The following KCTD5 variants were observed in gnomAD, a reference collection of about 807,000 sequenced individuals.
KCTD5 encodes the protein BTB/POZ domain-containing protein KCTD5.
In KCTD5, 12 loss-of-function variants were observed where a neutral mutation model predicts 27.9. That is an observed-to-expected ratio of 0.43 (90% CI 0.28 to 0.70). The LOEUF is 0.70. KCTD5 is among the 30% of genes least tolerant of loss of function. The pLI is 0.19. For missense variants in KCTD5, 226 were observed against 274.8 expected (o/e 0.82, Z 1.26); for synonymous variants, 147 against 121.4 (o/e 1.21, Z -1.39).
At chr16:2,698,601 C>A (rs149239244) in intron 3 of KCTD5, among the ~76,000 whole-genome samples, 133 of 152,216 alleles carry the variant, frequency 8.7e-4, no homozygotes, top group African/African-American at 2.2e-3. Context: ...CCGCCCCCCC[C>A]ACCCAAGCTC....
chr16:2,699,895 C>T lies in KCTD5; in HGVS notation c.528C>T (p.Ser176=), dbSNP rs775534178. ...TCACGCAGATGGTGTCCACCATGTC[C>T]GACGGCTGGAAGTTCGAGCAGGTGA... The part of the protein sequence containing the change: ...EELTQMVSTM[S]DGWKFEQLVS... Residue 176 remains serine (S), a synonymous_variant, in exon 4 of 6, where the codon TCC becomes TCT. Coordinates refer to ENST00000301738, the MANE Select transcript of KCTD5 (RefSeq NM_018992.4). 18 of 1,613,736 alleles carry T rather than the reference C, an allele frequency of 1.1e-5. No homozygotes were observed. The highest frequency in any genetic ancestry group is 3.3e-5 in the Admixed American group (2 of 60,002).
chr16:2,699,973 A>C, intron 4 of KCTD5, 57 bp downstream of exon 4: 1 of 1,492,394 alleles, frequency 6.7e-7, no homozygotes. Context: ...TTGTGCTCAC[A>C]ATGGCTCAGG....
chr16:2,705,127 G>A (rs758312408), intron 5 of KCTD5, among the ~76,000 whole-genome samples: 12 of 152,198 alleles, frequency 7.9e-5, no homozygotes, highest in Non-Finnish European at 1.6e-4. Context: ...CGCGCTGCAC[G>A]CCGCCAGAGT....
rs577662256 is a variant in KCTD5, at chr16:2,688,498, T to A, written c.252+5698T>A. ...ACTCCTGACCTCAGGTCATCCGCCC[T>A]CCTTGGCCTCCCAAAGTGCTGGGAT... On this transcript the variant is annotated intron_variant, in intron 1 of 5. Transcript: ENST00000301738. Among the ~76,000 whole-genome samples, 259 of 152,054 alleles carry A rather than the reference T, an allele frequency of 1.7e-3. 1 individual carries two copies. Among genetic ancestry groups the A allele is most frequent in the Admixed American group, 2.9e-3 (45 of 15,274 alleles).
chr16:2,689,785 C>T (rs1227488488), intron 1 of KCTD5, among the ~76,000 whole-genome samples: 6 of 151,964 alleles, frequency 3.9e-5, no homozygotes, highest in Non-Finnish European at 8.8e-5. Context: ...AAGTGATTGT[C>T]CTGCCTCAGC....
chr16:2,702,964 T>A (rs1488272548), intron 5 of KCTD5, among the ~76,000 whole-genome samples: 4 of 128,808 alleles, frequency 3.1e-5, no homozygotes, highest in Non-Finnish European at 5.1e-5. Flanking sequence ...GTGGGCCTCA[T>A]CTTTGTCGAG....
chr16:2,698,397 G>A (rs2067596035), intron 3 of KCTD5, among the ~76,000 whole-genome samples: 1 of 152,344 alleles, frequency 6.6e-6, no homozygotes, highest in East Asian at 1.9e-4. Context: ...TGGGTCGTGT[G>A]GGTCTGCGCA....
chr16:2,685,011 CTG>C (rs928289054), intron 1 of KCTD5, among the ~76,000 whole-genome samples: 2 of 152,166 alleles, frequency 1.3e-5, no homozygotes, highest in African/African-American at 2.4e-5. Flanking sequence ...CTGAATATAT[CTG>C]TGTTATACTT....
intron 1 of KCTD5, among the ~76,000 whole-genome samples, chr16:2,685,426 CAAAAAAA>C (rs911890118): frequency 1.7e-4 from 24 of 143,520 alleles, no homozygotes; most frequent in African/African-American, 5.6e-4. Flanking sequence ...GACTCTGTCT[CAAAAAAA>C]AAGAAAAAAG....
intron 2 of KCTD5, 81 bp downstream of exon 2, chr16:2,696,124 C>G: frequency 2.6e-6 from 1 of 386,792 alleles, no homozygotes; most frequent in South Asian, 2.2e-5. Flanking sequence ...ACTTAAGACA[C>G]AGATGCCTGC....
At chr16:2,691,034 A>G (rs2067564341) in intron 1 of KCTD5, among the ~76,000 whole-genome samples, 1 of 152,186 alleles carries the variant, frequency 6.6e-6, no homozygotes, top group African/African-American at 2.4e-5. Context: ...TAGCCCCCGC[A>G]CACATTAGGC....
chr16:2,701,621 C>T (rs919333254), intron 4 of KCTD5, among the ~76,000 whole-genome samples: 4 of 151,902 alleles, frequency 2.6e-5, no homozygotes, highest in African/African-American at 2.4e-5. Flanking sequence ...CTCTCCCGGC[C>T]GTTGGTCCAA....
chr16:2,708,379 G>C lies in KCTD5; in HGVS notation c.*1052G>C, dbSNP rs1486723347. The C allele has an allele frequency of 6.5e-6, 1 of 152,688 alleles. No homozygotes were observed. The highest frequency in any genetic ancestry group is 1.5e-5 in the Non-Finnish European group (1 of 68,052). 9.5% of individuals were successfully genotyped at this position (152,688 alleles called of 1,614,324 possible). A position where few individuals can be genotyped will look rare whatever the true frequency, so the allele number is the denominator to read the frequency against. ...GCCCGACATGCCGTGGGAGCTGCTG[G>C]GATTCCTTTAGAAACCGCTGCCCGC... On this transcript the variant is annotated 3_prime_UTR_variant, in exon 6 of 6. Coordinates refer to ENST00000301738, the MANE Select transcript of KCTD5 (RefSeq NM_018992.4).
In KCTD5 at chr16:2,698,020, G is replaced by A. The variant is rs2067594100; in HGVS notation, c.453+23G>A. Reference sequence around the variant, plus strand: ...CAGGTGAGACAAATGACTGAGGCTGGAAGCTTGTATGGCTGGTGTGAAGGA... The same window carrying A: ...CAGGTGAGACAAATGACTGAGGCTGAAAGCTTGTATGGCTGGTGTGAAGGA... On this transcript the variant is annotated intron_variant, in intron 3 of 5. Transcript: ENST00000301738. 6 of 1,563,024 alleles carry A rather than the reference G, an allele frequency of 3.8e-6. No individual in the cohort carries two copies. In the African/African-American group the frequency reaches 4.1e-5, roughly 11 times the overall value.
rs1032189167 is a variant in KCTD5 at position 2,708,884 on chromosome 16, T to G, written c.*1557T>G. 1.3e-5 allele frequency: 2 copies of G among 152,182 alleles called. No individual in the cohort carries two copies. The highest frequency in any genetic ancestry group is 2.9e-5 in the Non-Finnish European group (2 of 68,030). 9.4% of individuals were successfully genotyped at this position (152,182 alleles called of 1,614,324 possible). Reference sequence around the variant, plus strand: ...TAGATAGGCTTGTGGTTTTTTTAATTTAAAGATATTAAGACTTAATTCACT... The same window carrying G: ...TAGATAGGCTTGTGGTTTTTTTAATGTAAAGATATTAAGACTTAATTCACT... On this transcript the variant is annotated 3_prime_UTR_variant, in exon 6 of 6. Transcript: ENST00000301738.
chr16:2,703,084 G>C (rs2067619976), intron 5 of KCTD5, among the ~76,000 whole-genome samples: 1 of 152,196 alleles, frequency 6.6e-6, no homozygotes, highest in Non-Finnish European at 1.5e-5. Flanking sequence ...AGGCCCTTCT[G>C]TTTTCTGCGG....
At position 2,697,983 on chromosome 16, in the gene KCTD5, A is replaced by G. The variant is rs2067593897; in HGVS notation, c.439A>G (p.Ser147Gly). The change falls in exon 3 of 6, where the codon AGC becomes GGC. Residue 147 changes from serine to glycine, a missense_variant. Around this residue, in one of 2 missense-constraint regions of KCTD5, gnomAD observed 135 missense variants for 207.0 expected, o/e 0.65. Coordinates refer to ENST00000301738, the MANE Select transcript of KCTD5 (RefSeq NM_018992.4). ...LVKDKIRERD[S>G]KTSQVPVKHV... ...AAAGGACAAAATTAGAGAACGAGAC[A>G]GCAAAACATCGCAGGTGAGACAAAT... 1 of 1,610,108 alleles carries G rather than the reference A, an allele frequency of 6.2e-7. No individual in the cohort carries two copies. The highest frequency in any genetic ancestry group is 1.3e-5 in the African/African-American group (1 of 74,872).
intron 1 of KCTD5, among the ~76,000 whole-genome samples, chr16:2,691,627 G>A (rs960504143): frequency 6.6e-5 from 10 of 152,246 alleles, no homozygotes; most frequent in East Asian, 3.9e-4. Flanking sequence ...GTACTGTGGC[G>A]GGGGCCCCAT....
chr16:2,700,336 C>T (rs1371246825), intron 4 of KCTD5, among the ~76,000 whole-genome samples: 2 of 152,226 alleles, frequency 1.3e-5, no homozygotes, highest in Non-Finnish European at 2.9e-5. Flanking sequence ...CTCCCCTTCC[C>T]GCCCATGCTG....
Sources: gnomAD v4.1 joint callset for allele counts (sites outside exome capture counted in the v4.1 genomes callset) on GRCh38, gnomAD v4.1.1 for gene constraint, gnomAD v4.1.1 regional missense constraint, MANE v1.5 for transcripts, NCBI Gene and HGNC (gene_info 2026-07-23, HGNC 2026-07-21) for gene names.